Variants in OR51B5 observed in about 807,000 individuals in gnomAD.
OR51B5 encodes the protein olfactory receptor family 51 subfamily B member 5, also known as olfactory receptor 51B5.
For missense variants in OR51B5, 456 were observed against 374.6 expected, an observed-to-expected ratio of 1.22 and a Z score of -1.79; for synonymous variants, 186 against 144.8, an observed-to-expected ratio of 1.28 and a Z score of -2.04.
intron 1 of OR51B5, chr11:5,489,809 G>C: frequency 1.5e-6 from 1 of 656,004 alleles, no homozygotes; most frequent in South Asian, 1.9e-5. Flanking sequence ...ATGAATCAGA[G>C]CTATCAATTA....
intron 1 of OR51B5, among the ~76,000 whole-genome samples, chr11:5,493,006 A>T (rs1275792304): frequency 6.6e-6 from 1 of 152,184 alleles, no homozygotes; most frequent in Non-Finnish European, 1.5e-5. Flanking sequence ...AACATGTTTA[A>T]CATCAGTCTG....
intron 1 of OR51B5, among the ~76,000 whole-genome samples, chr11:5,370,965 G>A (rs1231566634): frequency 6.6e-6 from 1 of 152,178 alleles, no homozygotes; most frequent in Admixed American, 6.5e-5. Flanking sequence ...CAGACAGAAG[G>A]AAGAGAACCA....
At chr11:5,398,409 G>C (rs1032560813) in intron 1 of OR51B5, among the ~76,000 whole-genome samples, 2 of 152,012 alleles carry the variant, frequency 1.3e-5, no homozygotes, top group Admixed American at 6.6e-5. Context: ...TCTACTCCTA[G>C]AGACTCTGAT....
At chr11:5,428,605 G>GTACATAAACA (rs1285641223) in intron 1 of OR51B5, among the ~76,000 whole-genome samples, 1 of 152,144 alleles carries the variant, frequency 6.6e-6, no homozygotes, top group Non-Finnish European at 1.5e-5. Flanking sequence ...AAAATTGGAT[G>GTACATAAACA]ACTACTGTTG....
Position 5,365,493 on chromosome 11 carries a change from ATT to A in OR51B5, n.85-18585_85-18584del, listed in dbSNP as rs560792645. ...AATTCTGGTCTGCCAGTCAGCAACCATTTTCCTGTCTATGCACAGGATAGGAT... is the reference window on the plus strand; with the variant it reads ...AATTCTGGTCTGCCAGTCAGCAACCATTCCTGTCTATGCACAGGATAGGAT... On this transcript the variant is annotated intron_variant and non_coding_transcript_variant, in intron 1 of 4. Coordinates refer to the OR51B5 transcript ENST00000415970. Among the ~76,000 whole-genome samples, 10 of 140,176 alleles carry A rather than the reference ATT, an allele frequency of 7.1e-5. No individual in the cohort carries two copies. In the South Asian group the frequency reaches 2.2e-3, roughly 31 times the overall value. 92.0% of individuals were successfully genotyped at this position (140,176 alleles called of 152,430 possible).
At chr11:5,476,030 TAAAATCCTCATAAA>T (rs1317226607) in intron 1 of OR51B5, among the ~76,000 whole-genome samples, 1 of 152,208 alleles carries the variant, frequency 6.6e-6, no homozygotes, top group African/African-American at 2.4e-5. Context: ...ATGCCTCACA[TAAAATCCTCATAAA>T]GTGATTTACT....
At chr11:5,467,122 G>C (rs1234927885) in intron 1 of OR51B5, among the ~76,000 whole-genome samples, 1 of 152,156 alleles carries the variant, frequency 6.6e-6, no homozygotes, top group African/African-American at 2.4e-5. Context: ...TGAGCACTTA[G>C]AGCCTGCAAG....
chr11:5,395,072 A>G (rs181144447), intron 1 of OR51B5, among the ~76,000 whole-genome samples: 1 of 152,294 alleles, frequency 6.6e-6, no homozygotes. Context: ...AATACCTCCT[A>G]GAGGTACTCA....
chr11:5,413,490 A>G (rs1267849877), intron 1 of OR51B5, among the ~76,000 whole-genome samples: 2 of 152,168 alleles, frequency 1.3e-5, no homozygotes, highest in African/African-American at 2.4e-5. Context: ...ACTACGAGCT[A>G]CAGGAGGAAA....
chr11:5,464,808 G>A (rs1851112329), intron 1 of OR51B5, among the ~76,000 whole-genome samples: 1 of 152,132 alleles, frequency 6.6e-6, no homozygotes, highest in Non-Finnish European at 1.5e-5. Flanking sequence ...ACCCAGTAAT[G>A]GGATGGCTGG....
chr11:5,412,438 C>T (rs1287450404), intron 1 of OR51B5, among the ~76,000 whole-genome samples: 1 of 152,188 alleles, frequency 6.6e-6, no homozygotes, highest in Non-Finnish European at 1.5e-5. Flanking sequence ...AGACAGTGGG[C>T]GCAGGTCAGT....
At chr11:5,488,843 C>T (rs1184899681) in intron 1 of OR51B5, 3 of 1,613,942 alleles carry the variant, frequency 1.9e-6, no homozygotes, top group Non-Finnish European at 1.7e-6. Context: ...GTTGGAAATG[C>T]TGCCCTCATC....
chr11:5,422,947 T>C, intron 1 of OR51B5: 1 of 1,614,128 alleles, frequency 6.2e-7, no homozygotes, highest in Middle Eastern at 1.6e-4. Context: ...ACATTCTAGC[T>C]GTCCTGGTCC....
intron 1 of OR51B5, among the ~76,000 whole-genome samples, chr11:5,368,830 T>C (rs1849411867): frequency 6.6e-6 from 1 of 152,156 alleles, no homozygotes; most frequent in African/African-American, 2.4e-5. Flanking sequence ...CAGGGCAAAG[T>C]GTTCTTAGGA....
rs188821791 is a variant in OR51B5, at chr11:5,434,916, T to C, written n.84+70653A>G. Among the ~76,000 whole-genome samples, 859 of 152,236 alleles carry C rather than the reference T, an allele frequency of 5.6e-3. 11 individuals carry two copies. The highest frequency in any genetic ancestry group is 0.019 in the African/African-American group (794 of 41,564). Reference sequence around the variant, plus strand: ...CCTTCTGAAGCAAAAGACATCTAAATGAGAAAAATGGGAAGATGCTGGAGA... The same window carrying C: ...CCTTCTGAAGCAAAAGACATCTAAACGAGAAAAATGGGAAGATGCTGGAGA... On this transcript the variant is annotated intron_variant and non_coding_transcript_variant, in intron 1 of 4. Coordinates refer to the OR51B5 transcript ENST00000415970.
chr11:5,456,704 A>G (rs1850966013), intron 1 of OR51B5, among the ~76,000 whole-genome samples: 1 of 152,112 alleles, frequency 6.6e-6, no homozygotes, highest in African/African-American at 2.4e-5. Flanking sequence ...AAATTATTTC[A>G]TCACCCAGGT....
In OR51B5 at chr11:5,414,790, C is replaced by A. The variant is rs148330536; in HGVS notation, n.85-67880G>T. 4.9e-3 allele frequency among the ~76,000 whole-genome samples: 748 copies of A among 152,224 alleles called. 3 individuals carry two copies. Among genetic ancestry groups the A allele is most frequent in the African/African-American group, 0.016 (668 of 41,526 alleles). ...ATTCATAAACCAAGTCCTTAGTGAC[C>A]TACAAAGAGATTTAGACTCCCACAC... On this transcript the variant is annotated intron_variant and non_coding_transcript_variant, in intron 1 of 4. Coordinates refer to the OR51B5 transcript ENST00000415970.
chr11:5,468,492 C>G, intron 1 of OR51B5: 1 of 352,268 alleles, frequency 2.8e-6, no homozygotes, highest in Non-Finnish European at 5.7e-6. Flanking sequence ...TTGATCAGAA[C>G]TTAGCTCCCA....
At chr11:5,446,131 C>T in intron 1 of OR51B5, among the ~76,000 whole-genome samples, 1 of 152,040 alleles carries the variant, frequency 6.6e-6, no homozygotes, top group East Asian at 1.9e-4. Context: ...GGAGGGATAG[C>T]ATTAGGAGAT....
Sources: gnomAD v4.1 joint callset for allele counts (sites outside exome capture counted in the v4.1 genomes callset) on GRCh38, gnomAD v4.1.1 for gene constraint, MANE v1.5 for transcripts, NCBI Gene and HGNC (gene_info 2026-07-23, HGNC 2026-07-21) for gene names.